Variants in NAXE observed in about 807,000 individuals in gnomAD.
The protein encoded by NAXE is NAD(P)HX epimerase.
NAXE carries 25 observed loss-of-function variants against 31.2 expected under a neutral mutation model. The observed-to-expected ratio is 0.80, with a 90% CI of 0.58 to 1.12. The LOEUF (loss-of-function observed/expected upper bound fraction) is 1.12. Ranked by LOEUF, NAXE falls within the 50% of genes most tolerant of loss-of-function variation. The pLI is 0.00. For synonymous variants in NAXE, 144 were observed against 154.5 expected (o/e 0.93, Z 0.50); for missense variants, 362 against 376.1 (o/e 0.96, Z 0.31).
At chr1:156,593,186 T>TGGCG in intron 4 of NAXE, 1 of 536,314 alleles carries the variant, frequency 1.9e-6, no homozygotes, top group Non-Finnish European at 3.2e-6. Flanking sequence ...GCCTCCCCAG[T>TGGCG]GGTGGGCAGG....
rs751729403 is a variant in NAXE at position 156,592,678 on chromosome 1, GCTCCAGTTGAATACCT to G, written c.516+10_516+25del. 2 of 1,605,356 alleles carry G rather than the reference GCTCCAGTTGAATACCT, an allele frequency of 1.2e-6. No homozygotes were observed. Among genetic ancestry groups the G allele is most frequent in the Non-Finnish European group, 1.7e-6 (2 of 1,172,636 alleles). On this transcript the variant is annotated intron_variant, in intron 4 of 5. Transcript: ENST00000368235. ...GGGGAAATGCCCGCAGAGGTAGGTG[GCTCCAGTTGAATACCT>G]CCATCCTACAGTAACCACTGCCTGT...
rs756401262 is a variant in NAXE at position 156,593,424 on chromosome 1, A to G, written c.533A>G (p.Glu178Gly). 4 of 1,614,034 alleles carry G rather than the reference A, an allele frequency of 2.5e-6. No homozygotes were observed. The South Asian group carries it at 4.4e-5, about 18-fold the overall frequency. ...EMPAEPMTID[E>G]LYELVVDAIF... Reference sequence around the variant, plus strand: ...CCACCACAGCCCATGACGATTGATGAACTGTATGAGCTGGTGGTGGATGCC... The same window carrying G: ...CCACCACAGCCCATGACGATTGATGGACTGTATGAGCTGGTGGTGGATGCC... The change falls in exon 5 of 6, where the codon GAA becomes GGA. Residue 178 changes from glutamate to glycine, a missense_variant. Coordinates refer to ENST00000368235, the MANE Select transcript of NAXE (RefSeq NM_144772.3).
In NAXE at chr1:156,593,487, C is replaced by T. The variant is rs759618334; in HGVS notation, c.596C>T (p.Pro199Leu). 1.6e-5 allele frequency: 26 copies of T among 1,614,078 alleles called. No homozygotes were observed. Among genetic ancestry groups the T allele is most frequent in the Admixed American group, 1.3e-4 (8 of 60,002 alleles). Residue 199 changes from proline to leucine, a missense_variant, in exon 5 of 6, where the codon CCG (proline) becomes CTG (leucine). Transcript: ENST00000368235. ...GFSFKGDVREPFHSILSVLKG... is the reference protein window; with the variant it reads ...GFSFKGDVRELFHSILSVLKG... Reference sequence around the variant, plus strand: ...AGCTTCAAGGGCGATGTTCGGGAACCGTTCCACAGCATCCTGAGTGTCCTG... The same window carrying T: ...AGCTTCAAGGGCGATGTTCGGGAACTGTTCCACAGCATCCTGAGTGTCCTG...
rs1488656192 is a variant in NAXE at position 156,591,804 on chromosome 1, G to C, written c.-1G>C. The stretch of plus-strand genomic sequence containing the variant: ...CCGGGGGCGCGCGCTCTGCGAGCTG[G>C]ATGTCCAGGCTGCGGGCGCTGCTGG... On this transcript the variant is annotated 5_prime_UTR_variant, in exon 1 of 6. Transcript: ENST00000368235. 2 of 1,586,130 alleles carry C rather than the reference G, an allele frequency of 1.3e-6. No homozygotes were observed. Among genetic ancestry groups the C allele is most frequent in the East Asian group, 2.3e-5 (1 of 43,024 alleles).
rs1393308034 is a variant in NAXE at position 156,592,002 on chromosome 1, G to C, written c.182+16G>C. The C allele has an allele frequency of 6.2e-7, 1 of 1,613,494 alleles. No individual in the cohort carries two copies. Reference sequence around the variant, plus strand: ...AGTACCTGAGGTAGGCACGGGTCTCGGGTGGCCTGCTCTGCCCCGGGGCGG... The same window carrying C: ...AGTACCTGAGGTAGGCACGGGTCTCCGGTGGCCTGCTCTGCCCCGGGGCGG... On this transcript the variant is annotated intron_variant, in intron 1 of 5. Transcript: ENST00000368235.
chr1:156,592,474 T>C lies in NAXE; in HGVS notation c.401T>C (p.Phe134Ser), dbSNP rs978386644. Residue 134 changes from phenylalanine to serine, a missense_variant and splice_region_variant, in exon 3 of 6, where the codon TTT (phenylalanine) becomes TCT (serine). Coordinates refer to ENST00000368235, the MANE Select transcript of NAXE (RefSeq NM_144772.3). ...GLVCARHLKLFGYEPTIYYPK... is the reference protein window; with the variant it reads ...GLVCARHLKLSGYEPTIYYPK... Reference sequence around the variant, plus strand: ...GTCTGTGCTCGACACCTCAAACTCTTTGTGAGTATGTGGGGAGGGGCTGTG... The same window carrying C: ...GTCTGTGCTCGACACCTCAAACTCTCTGTGAGTATGTGGGGAGGGGCTGTG... The C allele has an allele frequency of 2.5e-6, 4 of 1,613,820 alleles. No homozygotes were observed. The highest frequency in any genetic ancestry group is 3.4e-6 in the Non-Finnish European group (4 of 1,179,892).
chr1:156,593,136 T>G, intron 4 of NAXE: 1 of 477,836 alleles, frequency 2.1e-6, no homozygotes, highest in Admixed American at 3.8e-5. Context: ...GAAACCAGAA[T>G]CTGGCTCTCC....
chr1:156,592,323 C>T lies in NAXE; in HGVS notation c.292-42C>T, dbSNP rs1307418916. 1.9e-6 allele frequency: 3 copies of T among 1,606,222 alleles called. No individual in the cohort carries two copies. In the Admixed American group the frequency reaches 5.0e-5, roughly 27 times the overall value. On this transcript the variant is annotated intron_variant, in intron 2 of 5. Transcript: ENST00000368235. ...ACAGCTGGGCCAATATGGTCTATTA[C>T]CGCCTGAAACCCCGCCGAACCACCC... is the stretch of plus-strand genomic sequence containing the variant.
Position 156,593,844 on chromosome 1 carries a change from G to C in NAXE, c.665-38G>C, listed in dbSNP as rs376122059. The stretch of plus-strand genomic sequence containing the variant: ...TAAACTAAGGTGTAGAAGGGGACGA[G>C]ACATCTGGCCTCTTCCTGAACACCA... On this transcript the variant is annotated intron_variant, in intron 5 of 5. Coordinates refer to ENST00000368235, the MANE Select transcript of NAXE (RefSeq NM_144772.3). 2.5e-6 allele frequency: 4 copies of C among 1,603,190 alleles called. No individual in the cohort carries two copies. In the African/African-American group the frequency reaches 4.0e-5, roughly 16 times the overall value.
chr1:156,591,878 A>G lies in NAXE; in HGVS notation c.74A>G (p.Gln25Arg), dbSNP rs1186285446. 6.2e-7 allele frequency: 1 copy of G among 1,612,380 alleles called. No individual in the cohort carries two copies. Among genetic ancestry groups the G allele is most frequent in the South Asian group, 1.1e-5 (1 of 91,062 alleles). Residue 25 changes from glutamine to arginine, a missense_variant, in exon 1 of 6, where the codon CAG becomes CGG. Physicochemically the swap from Gln to Arg is conservative, Grantham distance 43 (BLOSUM62 1). Transcript: ENST00000368235. ...AGSRVPRIKS[Q>R]TIACRSGPTW... is the part of the protein sequence containing the mutation. Reference sequence around the variant, plus strand: ...TCGCGCGTGCCGCGGATCAAAAGCCAGACCATCGCCTGTCGCTCGGGACCC... The same window carrying G: ...TCGCGCGTGCCGCGGATCAAAAGCCGGACCATCGCCTGTCGCTCGGGACCC...
At chr1:156,592,266 C>G (rs930865645) in intron 2 of NAXE, 57 bp downstream of exon 2, 1 of 1,605,178 alleles carries the variant, frequency 6.2e-7, no homozygotes. Flanking sequence ...ACTGTCCCAG[C>G]CCCCTGGCCT....
chr1:156,592,113 C>G lies in NAXE; in HGVS notation c.195C>G (p.Ala65=). Residue 65 remains alanine, a synonymous_variant, in exon 2 of 6, where the codon GCC becomes GCG. Transcript: ENST00000368235. Reference sequence around the variant, plus strand: ...GGGTTTTCCTCAGCCAGGAGGAGGCCCAGGCCGTGGACCAGGAGCTATTTA... The same window carrying G: ...GGGTTTTCCTCAGCCAGGAGGAGGCGCAGGCCGTGGACCAGGAGCTATTTA... The part of the protein sequence containing the change: ...TVVKYLSQEE[A]QAVDQELFNE... The G allele has an allele frequency of 1.2e-6, 2 of 1,614,228 alleles. No homozygotes were observed. The highest frequency in any genetic ancestry group is 1.7e-6 in the Non-Finnish European group (2 of 1,180,032).
intron 4 of NAXE, 141 bp from the exon 5 acceptor site, chr1:156,593,267 T>C: frequency 8.8e-7 from 1 of 1,135,992 alleles, no homozygotes; most frequent in Admixed American, 3.1e-5. Flanking sequence ...TCACACTTTC[T>C]CTAGGCCTCA....
chr1:156,593,963 C>T lies in NAXE; in HGVS notation c.746C>T (p.Thr249Ile). ...CTCACAGCCCCCAAAAAATCTGCAACCCAGTTTACCGGTCGCTACCATTAC... is the reference window on the plus strand; with the variant it reads ...CTCACAGCCCCCAAAAAATCTGCAATCCAGTTTACCGGTCGCTACCATTAC... ...ISLTAPKKSA[T>I]QFTGRYHYLG... is the part of the protein sequence containing the mutation. The change falls in exon 6 of 6, where the codon ACC becomes ATC. Residue 249 changes from threonine to isoleucine, a missense_variant. Coordinates refer to ENST00000368235, the MANE Select transcript of NAXE (RefSeq NM_144772.3). The T allele has an allele frequency of 1.9e-6, 3 of 1,614,140 alleles. No individual in the cohort carries two copies. Among genetic ancestry groups the T allele is most frequent in the Non-Finnish European group, 2.5e-6 (3 of 1,179,986 alleles).
chr1:156,592,817 TCTC>T (rs1312376669), intron 4 of NAXE, 147 bp downstream of exon 4: 14 of 691,220 alleles, frequency 2.0e-5, no homozygotes, highest in Non-Finnish European at 3.4e-5. Flanking sequence ...GCAAGAGCCT[TCTC>T]CTCCTTCATA....
In NAXE at chr1:156,591,777, G is replaced by GGCCGT; in HGVS notation, c.-24_-23insTGCCG. 6.8e-7 allele frequency: 1 copy of GGCCGT among 1,473,178 alleles called. No individual in the cohort carries two copies. The highest frequency in any genetic ancestry group is 9.0e-7 in the Non-Finnish European group (1 of 1,117,310). The allele number at this position is 1,473,178 out of a possible 1,614,324, so 91.3% of individuals were successfully genotyped here. A position where few individuals can be genotyped will look rare whatever the true frequency, so the allele number is the denominator to read the frequency against. On this transcript the variant is annotated 5_prime_UTR_variant, in exon 1 of 6. Coordinates refer to ENST00000368235, the MANE Select transcript of NAXE (RefSeq NM_144772.3). The stretch of plus-strand genomic sequence containing the variant: ...CCGCACATGCGCCGGGGCCGGGCCG[G>GGCCGT]GCCGGGGGCGCGCGCTCTGCGAGCT...
Position 156,594,111 on chromosome 1 carries a change from A to T in NAXE, c.*27A>T. On this transcript the variant is annotated 3_prime_UTR_variant, in exon 6 of 6. Transcript: ENST00000368235. ...GGAAGGTGGGTGGGTATTCTTCCCA[A>T]TAAAGACTTAGAGCCCCTCTCTTCC... 1 of 1,606,822 alleles carries T rather than the reference A, an allele frequency of 6.2e-7. No homozygotes were observed. Among genetic ancestry groups the T allele is most frequent in the East Asian group, 2.2e-5 (1 of 44,858 alleles).
intron 4 of NAXE, 42 bp downstream of exon 4, chr1:156,592,712 C>G: frequency 5.3e-6 from 8 of 1,522,560 alleles, no homozygotes; most frequent in Non-Finnish European, 7.3e-6. Context: ...ACAGTAACCA[C>G]TGCCTGTGCT....
chr1:156,592,720 G>A (rs756659756), intron 4 of NAXE, 50 bp downstream of exon 4: 1 of 1,496,652 alleles, frequency 6.7e-7, no homozygotes, highest in South Asian at 1.2e-5. Flanking sequence ...CACTGCCTGT[G>A]CTCTGCTCTT....
Sources: allele counts gnomAD v4.1 joint callset, GRCh38; gene constraint gnomAD v4.1.1; transcripts MANE v1.5; gene names NCBI Gene and HGNC (gene_info 2026-07-23, HGNC 2026-07-21).